ABCD3: variants seen among roughly 807,000 people sequenced by gnomAD.
ABCD3 encodes ATP binding cassette subfamily D member 3, also known as ATP-binding cassette sub-family D member 3.
Under a neutral mutation model 105.5 loss-of-function variants are expected in ABCD3, and 41 were observed. The observed-to-expected ratio is 0.39, with a 90% confidence interval of 0.30 to 0.50. ABCD3 has a LOEUF of 0.50. ABCD3 is among the 20% of genes least tolerant of loss of function. The probability of loss-of-function intolerance (pLI) is 0.84; values close to 1 mark genes in which losing one functional copy is unlikely to be tolerated. For missense variants in ABCD3, 622 were observed against 806.3 expected (o/e 0.77, Z 2.77); for synonymous variants, 258 against 269.0 (o/e 0.96, Z 0.40).
At chr1:94,463,441 A>T (rs1647973933) in intron 2 of ABCD3, among the ~76,000 whole-genome samples, 2 of 152,238 alleles carry the variant, frequency 1.3e-5, no homozygotes, top group African/African-American at 4.8e-5. Flanking sequence ...CTTAAGGCTC[A>T]TCAAGTTAGA....
intron 20 of ABCD3, among the ~76,000 whole-genome samples, chr1:94,501,989 C>T (rs1283803130): frequency 6.6e-6 from 1 of 151,976 alleles, no homozygotes; most frequent in African/African-American, 2.4e-5. Context: ...TCTGTCTCTG[C>T]CTCCTTTCCT....
At chr1:94,438,807 A>C (rs142628010) in intron 1 of ABCD3, among the ~76,000 whole-genome samples, 15 of 152,110 alleles carry the variant, frequency 9.9e-5, no homozygotes, top group Non-Finnish European at 1.6e-4. Flanking sequence ...ATGTCATTGG[A>C]TACTTGAGAG....
chr1:94,457,118 G>A (rs1202155336), intron 1 of ABCD3, among the ~76,000 whole-genome samples: 1 of 152,062 alleles, frequency 6.6e-6, no homozygotes, highest in Non-Finnish European at 1.5e-5. Flanking sequence ...TGAGTTGTTT[G>A]AGTTCCTTAT....
At chr1:94,487,667 T>C in intron 11 of ABCD3, 27 bp from the exon 12 acceptor site, 1 of 1,613,382 alleles carries the variant, frequency 6.2e-7, no homozygotes, top group Non-Finnish European at 8.5e-7. Context: ...ACTGTTACTG[T>C]TTTAAATCTT....
chr1:94,434,649 G>A (rs1295610448), intron 1 of ABCD3, among the ~76,000 whole-genome samples: 1 of 152,112 alleles, frequency 6.6e-6, no homozygotes, highest in East Asian at 1.9e-4. Context: ...GTACATGAGT[G>A]TAATACAATC....
chr1:94,455,282 GAAAC>G (rs1043452524), intron 1 of ABCD3, among the ~76,000 whole-genome samples: 7 of 151,660 alleles, frequency 4.6e-5, no homozygotes, highest in African/African-American at 1.7e-4. Flanking sequence ...AACTTCCTGA[GAAAC>G]AAATCTCATA....
Position 94,465,606 on chromosome 1 carries a change from C to T in ABCD3, c.246+733C>T, listed in dbSNP as rs554554351. Among the ~76,000 whole-genome samples, 19 of 152,126 alleles carry T rather than the reference C, an allele frequency of 1.2e-4. No individual in the cohort carries two copies. In the South Asian group the frequency reaches 1.7e-3, roughly 13 times the overall value. ...TAGATTAAATTTCAAAAGACAAACC[C>T]TTTTATTACATTGAGATGTTAACAA... On this transcript the variant is annotated intron_variant, in intron 3 of 22. Coordinates refer to ENST00000370214, the MANE Select transcript of ABCD3 (RefSeq NM_002858.4).
intron 10 of ABCD3, 135 bp from the exon 11 acceptor site, chr1:94,487,405 CAG>C (rs751747441): frequency 3.8e-5 from 31 of 821,960 alleles, no homozygotes; most frequent in Non-Finnish European, 5.6e-5. Flanking sequence ...ACAATATAAA[CAG>C]AATATAAACA....
In ABCD3 at chr1:94,433,454, C is replaced by T. The variant is rs771837808; in HGVS notation, c.110+14866C>T. 4.0e-5 allele frequency among the ~76,000 whole-genome samples: 6 copies of T among 151,258 alleles called. No individual in the cohort carries two copies. In the East Asian group the frequency reaches 6.0e-4, roughly 15 times the overall value. ...CAGGTGTGAGCCACCACGCCCGGCC[C>T]GGTTAGGCAATTTTATTGTTGTGTG... On this transcript the variant is annotated intron_variant, in intron 1 of 22. Transcript: ENST00000370214.
At chr1:94,427,684 A>G (rs1659519844) in intron 1 of ABCD3, among the ~76,000 whole-genome samples, 1 of 152,232 alleles carries the variant, frequency 6.6e-6, no homozygotes, top group African/African-American at 2.4e-5. Flanking sequence ...TATGTTGACC[A>G]GGCTAGTCTC....
At chr1:94,475,505 C>T in intron 6 of ABCD3, 109 bp from the exon 7 acceptor site, 1 of 1,220,182 alleles carries the variant, frequency 8.2e-7, no homozygotes, top group Non-Finnish European at 1.2e-6. Flanking sequence ...TGGCTCCAAA[C>T]TTTTTTGTTT....
chr1:94,494,520 T>C (rs1649702416), intron 16 of ABCD3, among the ~76,000 whole-genome samples: 1 of 152,214 alleles, frequency 6.6e-6, no homozygotes, highest in Non-Finnish European at 1.5e-5. Context: ...TTCAGTTCTT[T>C]GCAGCCTCTA....
chr1:94,492,298 G>A (rs1649571805), intron 16 of ABCD3, among the ~76,000 whole-genome samples: 1 of 152,000 alleles, frequency 6.6e-6, no homozygotes. Context: ...ATAAAATAAA[G>A]AATATAATTA....
intron 1 of ABCD3, among the ~76,000 whole-genome samples, chr1:94,452,616 G>A (rs1381283626): frequency 6.6e-6 from 1 of 152,086 alleles, no homozygotes; most frequent in Admixed American, 6.6e-5. Context: ...TTTTTGAATA[G>A]GCAGTACATT....
chr1:94,414,724 A>G (rs1363510934), upstream of ABCD3, among the ~76,000 whole-genome samples: 1 of 152,048 alleles, frequency 6.6e-6, no homozygotes, highest in East Asian at 1.9e-4. Context: ...CATCAGACTT[A>G]ATCACCTTCC....
intron 1 of ABCD3, among the ~76,000 whole-genome samples, chr1:94,437,437 A>G (rs899436681): frequency 4.6e-5 from 7 of 152,246 alleles, no homozygotes; most frequent in African/African-American, 1.4e-4. Flanking sequence ...AAATGGAACA[A>G]TAAAACCTGG....
At chr1:94,501,893 A>G (rs557664165) in intron 20 of ABCD3, among the ~76,000 whole-genome samples, 2 of 148,786 alleles carry the variant, frequency 1.3e-5, no homozygotes, top group East Asian at 3.9e-4. Context: ...TTTTTACCTT[A>G]AATTAGCAAC....
In ABCD3 at chr1:94,418,439, C is replaced by CGCCGCT. The variant is rs558859107; in HGVS notation, c.-35_-34insTGCCGC. ...GTAAGGTAGCCGCCGCCGCCGCCGCCGCCGCGTCCCCTCGCCGGCTCGCTG... is the reference window on the plus strand; with the variant it reads ...GTAAGGTAGCCGCCGCCGCCGCCGCCGCCGCTGCCGCGTCCCCTCGCCGGCTCGCTG... On this transcript the variant is annotated 5_prime_UTR_variant, in exon 1 of 23. Transcript: ENST00000370214. The CGCCGCT allele has an allele frequency of 7.8e-6, 12 of 1,546,620 alleles. No individual in the cohort carries two copies. Among genetic ancestry groups the CGCCGCT allele is most frequent in the East Asian group, 4.8e-5 (2 of 42,008 alleles).
chr1:94,474,224 G>A (rs905206582), intron 5 of ABCD3, among the ~76,000 whole-genome samples: 5 of 146,204 alleles, frequency 3.4e-5, no homozygotes, highest in African/African-American at 1.3e-4. Flanking sequence ...ATGGGTATGG[G>A]CAGGGGGCAA....
Sources: gnomAD v4.1 joint callset for allele counts (sites outside exome capture counted in the v4.1 genomes callset) on GRCh38, gnomAD v4.1.1 for gene constraint, MANE v1.5 for transcripts, NCBI Gene and HGNC (gene_info 2026-07-23, HGNC 2026-07-21) for gene names.